The following ROBO1 variants were observed in gnomAD, a reference collection of about 807,000 sequenced individuals.
The protein encoded by ROBO1 is roundabout guidance receptor 1.
ROBO1 carries 149 observed loss-of-function variants against 195.9 expected under a neutral mutation model. The ratio of observed to expected loss-of-function variants is 0.76; its 90% CI spans 0.67 to 0.87. The LOEUF (loss-of-function observed/expected upper bound fraction) is 0.87, where lower values mean the gene tolerates loss of function less well. Among genes scored for constraint, ROBO1 ranks in the 40% least tolerant of loss-of-function variants. The pLI is 0.00. For missense variants in ROBO1, 1,933 were observed against 2,068.3 expected (o/e 0.93, Z 1.27); for synonymous variants, 816 against 733.2 (o/e 1.11, Z -1.82).
intron 4 of ROBO1, among the ~76,000 whole-genome samples, chr3:78,795,587 C>T (rs1464897445): frequency 4.6e-5 from 7 of 152,176 alleles, no homozygotes; most frequent in Non-Finnish European, 8.8e-5. Flanking sequence ...AGAGGCACAA[C>T]GGTAAACATG....
At chr3:79,391,809 A>G (rs2036960590) in intron 2 of ROBO1, among the ~76,000 whole-genome samples, 3 of 152,136 alleles carry the variant, frequency 2.0e-5, no homozygotes, top group Admixed American at 2.0e-4. Flanking sequence ...CTATTTTATT[A>G]TATATTCACA....
chr3:79,637,623 T>C (rs1945534647), intron 1 of ROBO1, among the ~76,000 whole-genome samples: 1 of 152,138 alleles, frequency 6.6e-6, no homozygotes, highest in Non-Finnish European at 1.5e-5. Flanking sequence ...CTCTATCTTA[T>C]CTTCAGATGA....
chr3:79,400,374 G>A (rs2037320496), intron 2 of ROBO1, among the ~76,000 whole-genome samples: 1 of 151,798 alleles, frequency 6.6e-6, no homozygotes, highest in Admixed American at 6.6e-5. Flanking sequence ...ATTATTTTTG[G>A]CAGATACATG....
chr3:79,397,971 T>C (rs1201175408), intron 2 of ROBO1, among the ~76,000 whole-genome samples: 1 of 152,028 alleles, frequency 6.6e-6, no homozygotes, highest in Non-Finnish European at 1.5e-5. Flanking sequence ...AAATCATATG[T>C]AGTTAGCTAC....
intron 2 of ROBO1, among the ~76,000 whole-genome samples, chr3:79,146,189 C>A (rs1018354227): frequency 2.0e-5 from 3 of 151,866 alleles, no homozygotes; most frequent in African/African-American, 4.8e-5. Context: ...AATTACGTCA[C>A]AGAGCTTGGA....
At chr3:79,380,036 T>C (rs1435401888) in intron 2 of ROBO1, among the ~76,000 whole-genome samples, 1 of 152,234 alleles carries the variant, frequency 6.6e-6, no homozygotes, top group Non-Finnish European at 1.5e-5. Flanking sequence ...GTGTTCCTAC[T>C]TCTTTTGTCT....
chr3:78,755,490 A>G (rs1271964009), intron 4 of ROBO1, among the ~76,000 whole-genome samples: 1 of 152,110 alleles, frequency 6.6e-6, no homozygotes, highest in Non-Finnish European at 1.5e-5. Context: ...ATAAACAAAC[A>G]AAAAAGGAAG....
At chr3:79,621,055 A>G (rs1009784757) in intron 1 of ROBO1, among the ~76,000 whole-genome samples, 16 of 152,076 alleles carry the variant, frequency 1.1e-4, no homozygotes, top group African/African-American at 3.9e-4. Context: ...TGTTCTAGAT[A>G]TCAAACATGC....
intron 3 of ROBO1, among the ~76,000 whole-genome samples, chr3:79,079,081 A>C (rs1453086850): frequency 6.6e-6 from 1 of 151,786 alleles, no homozygotes; most frequent in Non-Finnish European, 1.5e-5. Context: ...TACACACGAA[A>C]CTAATATTTA....
At chr3:79,629,166 CACA>C (rs1488880028) in intron 1 of ROBO1, among the ~76,000 whole-genome samples, 3 of 152,124 alleles carry the variant, frequency 2.0e-5, no homozygotes, top group Non-Finnish European at 4.4e-5. Flanking sequence ...TAGACATTTT[CACA>C]ACATTTCATT....
chr3:79,647,338 T>C (rs1945848926), intron 1 of ROBO1, among the ~76,000 whole-genome samples: 1 of 152,078 alleles, frequency 6.6e-6, no homozygotes, highest in African/African-American at 2.4e-5. Context: ...AGTGTATAAG[T>C]AGGCTTCCTA....
intron 2 of ROBO1, among the ~76,000 whole-genome samples, chr3:79,473,534 G>T (rs1165087815): frequency 1.3e-5 from 2 of 151,982 alleles, no homozygotes; most frequent in Non-Finnish European, 1.5e-5. Context: ...CCGCTGAAAT[G>T]GTCTCAGCAG....
rs367893435 is a variant in ROBO1, at chr3:78,657,123, C to T, written c.2589G>A (p.Lys863=). 45 of 1,610,674 alleles carry T rather than the reference C, an allele frequency of 2.8e-5. No individual in the cohort carries two copies. The highest frequency in any genetic ancestry group is 3.6e-5 in the Non-Finnish European group (43 of 1,178,544). The change falls in exon 18 of 31, where the codon AAG becomes AAA. Residue 863 remains lysine (K), a synonymous_variant. Transcript: ENST00000464233. Reference sequence around the variant, plus strand: ...CCAGCTGGATGAACTGAGGCTCACTCTTTACCCCAGACCCAGCCCCAGTGC... The same window carrying T: ...CCAGCTGGATGAACTGAGGCTCACTTTTTACCCCAGACCCAGCCCCAGTGC... ...AASTGAGSGV[K]SEPQFIQLDA... is the part of the protein sequence containing the mutation.
intron 3 of ROBO1, among the ~76,000 whole-genome samples, chr3:78,966,879 T>C (rs2076656259): frequency 6.6e-6 from 1 of 152,212 alleles, no homozygotes; most frequent in African/African-American, 2.4e-5. Flanking sequence ...CACAACTCTT[T>C]CTTCAGTCCT....
chr3:79,644,855 CAA>C lies in ROBO1; in HGVS notation c.-50-54896_-50-54895del, dbSNP rs575769264. On this transcript the variant is annotated intron_variant, in intron 1 of 30. Transcript: ENST00000464233. ...AAATTCATAAAAGTAGAAATCACATCAAGTTTCATTTCTGACTGTAATGAAAT... is the reference window on the plus strand; with the variant it reads ...AAATTCATAAAAGTAGAAATCACATCGTTTCATTTCTGACTGTAATGAAAT... Among the ~76,000 whole-genome samples the C allele has an allele frequency of 3.6e-3, 555 of 152,138 alleles. 1 individual carries two copies. Among genetic ancestry groups the C allele is most frequent in the Middle Eastern group, 6.8e-3 (2 of 294 alleles).
intron 2 of ROBO1, among the ~76,000 whole-genome samples, chr3:79,542,929 A>C (rs770931580): frequency 1.8e-4 from 28 of 152,126 alleles, no homozygotes; most frequent in Non-Finnish European, 3.1e-4. Flanking sequence ...TTCTTTAAAC[A>C]TAATGGAATT....
At chr3:79,242,621 C>G (rs2082540997) in intron 2 of ROBO1, among the ~76,000 whole-genome samples, 2 of 152,188 alleles carry the variant, frequency 1.3e-5, no homozygotes, top group African/African-American at 4.8e-5. Context: ...ACAAAATTCA[C>G]AAGCTGCATC....
intron 2 of ROBO1, among the ~76,000 whole-genome samples, chr3:79,366,516 G>C (rs2035981665): frequency 6.6e-6 from 1 of 152,050 alleles, no homozygotes; most frequent in South Asian, 2.1e-4. Flanking sequence ...CATGTTAAAA[G>C]TCCCTTATCT....
intron 1 of ROBO1, among the ~76,000 whole-genome samples, chr3:79,667,763 C>T (rs1946515550): frequency 6.6e-6 from 1 of 151,628 alleles, no homozygotes; most frequent in Admixed American, 6.6e-5. Flanking sequence ...CTTAGAATAT[C>T]ACTACCTTCA....
Sources: gnomAD v4.1 joint callset for allele counts (sites outside exome capture counted in the v4.1 genomes callset) on GRCh38, gnomAD v4.1.1 for gene constraint, MANE v1.5 for transcripts, NCBI Gene and HGNC (gene_info 2026-07-23, HGNC 2026-07-21) for gene names.